The following MAP3K15 variants were observed in gnomAD, a reference collection of about 807,000 sequenced individuals.
MAP3K15 encodes MAPK/ERK kinase kinase 15.
MAP3K15 carries 124 observed loss-of-function variants against 99.5 expected under a neutral mutation model. The ratio of observed to expected loss-of-function variants is 1.25; its 90% CI spans 1.08 to 1.45. MAP3K15 has a LOEUF of 1.45. Ranked by LOEUF, MAP3K15 falls within the 40% of genes most tolerant of loss-of-function variation. The pLI, the probability that MAP3K15 is intolerant of heterozygous loss-of-function variation, is 0.00. For synonymous variants in MAP3K15, 494 were observed against 439.6 expected, an observed-to-expected ratio of 1.12 and a Z score of -1.55; for missense variants, 1,242 against 1,079.7, an observed-to-expected ratio of 1.15 and a Z score of -2.11.
At chrX:19,477,646 G>C (rs1162723557) in intron 3 of MAP3K15, among the ~76,000 whole-genome samples, 4 of 86,014 alleles carry the variant, frequency 4.7e-5, no homozygotes, top group African/African-American at 1.6e-4. Context: ...GGAGGTGGAG[G>C]TTGCAATGAG....
At chrX:19,410,959 C>A (rs761788917) in intron 11 of MAP3K15, among the ~76,000 whole-genome samples, 6 of 110,935 alleles carry the variant, frequency 5.4e-5, no homozygotes, top group Admixed American at 1.9e-4. Flanking sequence ...GGTGTGGGGG[C>A]GATCACTTGA....
intron 5 of MAP3K15, among the ~76,000 whole-genome samples, chrX:19,459,173 G>A (rs2064114067): frequency 9.0e-6 from 1 of 111,692 alleles, no homozygotes; most frequent in Non-Finnish European, 1.9e-5. Context: ...GAGGGGTTAG[G>A]AACAAGGACA....
chrX:19,460,753 G>T (rs1216278856), intron 4 of MAP3K15, among the ~76,000 whole-genome samples: 5 of 106,254 alleles, frequency 4.7e-5, no homozygotes, highest in East Asian at 5.8e-4. Flanking sequence ...CTGTTTTTTT[G>T]TTTTTTTGTT....
At chrX:19,391,316 AATGTGCTATTAACTTTAAAGAG>A (rs2063525287) in intron 18 of MAP3K15, among the ~76,000 whole-genome samples, 1 of 111,788 alleles carries the variant, frequency 8.9e-6, no homozygotes, top group Non-Finnish European at 1.9e-5. Flanking sequence ...GATTTCAGAT[AATGTGCTATTAACTTTAAAGAG>A]ATGTGCTGCC....
At chrX:19,361,436 T>C in intron 27 of MAP3K15, 21 bp from the exon 28 acceptor site, 5 of 1,197,155 alleles carry the variant, frequency 4.2e-6, no homozygotes, top group African/African-American at 1.7e-5. Flanking sequence ...GATCAGATCC[T>C]TAAGAGCTGA....
chrX:19,387,991 C>T (rs1199713094), intron 18 of MAP3K15, among the ~76,000 whole-genome samples: 1 of 111,935 alleles, frequency 8.9e-6, no homozygotes, highest in Non-Finnish European at 1.9e-5. Flanking sequence ...TCCAACAGTG[C>T]TAGTCAAGTA....
intron 12 of MAP3K15, among the ~76,000 whole-genome samples, chrX:19,409,384 A>T (rs755133975): frequency 8.9e-6 from 1 of 111,873 alleles, no homozygotes; most frequent in Non-Finnish European, 1.9e-5. Flanking sequence ...CCAGGGTGAC[A>T]AGTGCAGCTG....
intron 3 of MAP3K15, among the ~76,000 whole-genome samples, chrX:19,464,703 A>G (rs1046438887): frequency 1.1e-4 from 12 of 111,727 alleles, no homozygotes; most frequent in Non-Finnish European, 1.7e-4. Flanking sequence ...TTGTTTCATT[A>G]TATGTGCCCA....
intron 1 of MAP3K15, among the ~76,000 whole-genome samples, chrX:19,500,329 C>G (rs1327609752): frequency 8.9e-6 from 1 of 111,829 alleles, no homozygotes; most frequent in African/African-American, 3.3e-5. Flanking sequence ...GAAATGAGAA[C>G]AGCAGGATGT....
chrX:19,396,710 A>G (rs1394095570), intron 15 of MAP3K15, among the ~76,000 whole-genome samples: 3 of 111,136 alleles, frequency 2.7e-5, no homozygotes, highest in Non-Finnish European at 5.7e-5. Context: ...CCAATATATC[A>G]GCAATCACCC....
intron 8 of MAP3K15, 21 bp from the exon 9 acceptor site, chrX:19,425,711 A>T (rs780603816): frequency 8.6e-7 from 1 of 1,168,194 alleles, no homozygotes; most frequent in Admixed American, 2.4e-5. Flanking sequence ...TGAATTTTTG[A>T]TAGTCAGAAT....
rs1379171748 is a variant in MAP3K15, at chrX:19,512,237, A to ATGTGCCATGGT, written c.361+2663_361+2664insACCATGGCACA. Among the ~76,000 whole-genome samples the ATGTGCCATGGT allele has an allele frequency of 2.7e-5, 3 of 111,417 alleles. No individual in the cohort carries two copies. The Admixed American group carries it at 2.9e-4, about 11-fold the overall frequency. ...AATGCATGCTTAAAACCTAGATGAC[A>ATGTGCCATGGT]GGTTGATTGGTGCAGCAAACCACCA... On this transcript the variant is annotated intron_variant, in intron 1 of 28. Coordinates refer to ENST00000338883, the MANE Select transcript of MAP3K15 (RefSeq NM_001001671.4).
chrX:19,495,146 G>C (rs915715902), intron 1 of MAP3K15, among the ~76,000 whole-genome samples: 1 of 110,055 alleles, frequency 9.1e-6, no homozygotes, highest in Admixed American at 9.7e-5. Context: ...TGAGTAGCTG[G>C]GATTATAGGC....
chrX:19,374,703 G>C (rs1177082789), intron 19 of MAP3K15, 43 bp from the exon 20 acceptor site: 3 of 1,132,365 alleles, frequency 2.6e-6, no homozygotes, highest in Admixed American at 2.3e-5. Flanking sequence ...GTGAGGCCTT[G>C]GGTGAATTCA....
intron 3 of MAP3K15, among the ~76,000 whole-genome samples, chrX:19,465,254 T>G (rs1000808439): frequency 9.0e-6 from 1 of 111,324 alleles, no homozygotes; most frequent in Non-Finnish European, 1.9e-5. Context: ...TTCCAACCAT[T>G]AATAAGTGTA....
intron 1 of MAP3K15, among the ~76,000 whole-genome samples, chrX:19,510,119 A>G (rs988048586): frequency 1.8e-5 from 2 of 112,038 alleles, no homozygotes; most frequent in African/African-American, 3.2e-5. Flanking sequence ...AACTAAAAAA[A>G]TCCTAGACGG....
intron 13 of MAP3K15, among the ~76,000 whole-genome samples, chrX:19,405,132 T>C (rs192361247): frequency 2.5e-4 from 28 of 111,163 alleles, no homozygotes; most frequent in African/African-American, 7.8e-4. Context: ...AGAACTTACA[T>C]AGAGAAAAAA....
intron 3 of MAP3K15, among the ~76,000 whole-genome samples, chrX:19,477,236 T>G (rs1010224971): frequency 9.0e-6 from 1 of 110,969 alleles, no homozygotes; most frequent in Non-Finnish European, 1.9e-5. Context: ...CCCTCTGATA[T>G]TCAAGAGGTG....
chrX:19,431,800 G>A (rs777730332), intron 6 of MAP3K15, among the ~76,000 whole-genome samples, 192 bp from the exon 7 acceptor site: 21 of 111,172 alleles, frequency 1.9e-4, no homozygotes, highest in East Asian at 5.7e-4. Context: ...ACAAGTAGCC[G>A]GGTGGTAGTG....
Sources: allele counts gnomAD v4.1 joint callset (sites outside exome capture counted in the v4.1 genomes callset), GRCh38; gene constraint gnomAD v4.1.1; transcripts MANE v1.5; gene names NCBI Gene and HGNC (gene_info 2026-07-23, HGNC 2026-07-21).